DPP8: variants seen among roughly 807,000 people sequenced by gnomAD.
DPP8 encodes the protein DPP VIII.
DPP8 carries 31 observed loss-of-function variants against 107.5 expected under a neutral mutation model. That is an observed-to-expected ratio of 0.29 (90% CI 0.22 to 0.39). The LOEUF (loss-of-function observed/expected upper bound fraction) is 0.39, where lower values mean the gene tolerates loss of function less well. DPP8 is among the 10% of genes least tolerant of loss of function. DPP8 has a pLI of 1.00. For missense variants in DPP8, 842 were observed against 1,076.1 expected (o/e 0.78, Z 3.04); for synonymous variants, 381 against 356.6 (o/e 1.07, Z -0.77).
At chr15:65,466,182 AGGC>A (rs1271171401) in intron 14 of DPP8, among the ~76,000 whole-genome samples, 2 of 152,168 alleles carry the variant, frequency 1.3e-5, no homozygotes, top group African/African-American at 4.8e-5. Context: ...TTTGTCACCC[AGGC>A]TGCAGTTCAG....
intron 16 of DPP8, among the ~76,000 whole-genome samples, chr15:65,455,066 T>C (rs1452356963): frequency 1.3e-5 from 2 of 152,196 alleles, no homozygotes; most frequent in African/African-American, 2.4e-5. Context: ...AGCATCTTCC[T>C]TGTAACAAGC....
chr15:65,475,253 T>C, intron 11 of DPP8: 2 of 547,230 alleles, frequency 3.7e-6, no homozygotes, highest in Middle Eastern at 3.0e-4. Context: ...AGTATGACAT[T>C]TACAGAGAGA....
At chr15:65,515,090 T>C (rs1477819991) in intron 1 of DPP8, among the ~76,000 whole-genome samples, 1 of 152,180 alleles carries the variant, frequency 6.6e-6, no homozygotes, top group African/African-American at 2.4e-5. Context: ...AGGATCCTTA[T>C]GCCTCAGCCT....
At chr15:65,494,928 T>C (rs2068431231) in intron 5 of DPP8, among the ~76,000 whole-genome samples, 1 of 152,186 alleles carries the variant, frequency 6.6e-6, no homozygotes, top group Non-Finnish European at 1.5e-5. Context: ...GCTTCTCAAA[T>C]TTAACCTCCA....
chr15:65,512,511 A>AT lies in DPP8; in HGVS notation c.42dup (p.Phe15IlefsTer2). On this transcript the variant is annotated frameshift_variant, in exon 2 of 20. Transcript: ENST00000300141. LOFTEE classifies it high-confidence loss of function. Reference sequence around the variant, plus strand: ...TTCTCCTCACAGTCCGCAGTTTCAAATATCTCAACACCCAGCTGTTCTGTT... The same window carrying AT: ...TTCTCCTCACAGTCCGCAGTTTCAAATTATCTCAACACCCAGCTGTTCTGTT... The AT allele has an allele frequency of 1.2e-6, 2 of 1,614,146 alleles. No homozygotes were observed. The highest frequency in any genetic ancestry group is 1.7e-6 in the Non-Finnish European group (2 of 1,180,018).
chr15:65,515,390 T>C (rs1440622516), intron 1 of DPP8, among the ~76,000 whole-genome samples: 2 of 152,210 alleles, frequency 1.3e-5, no homozygotes, highest in Non-Finnish European at 2.9e-5. Flanking sequence ...ACAGTCCAAA[T>C]GATGGTCTCC....
intron 1 of DPP8, chr15:65,515,531 A>G: frequency 1.3e-6 from 1 of 743,810 alleles, no homozygotes; most frequent in Non-Finnish European, 2.3e-6. Flanking sequence ...ACATTCTCAA[A>G]ATAGGTGACC....
Position 65,456,311 on chromosome 15 carries a change from A to C in DPP8, c.2032T>G (p.Ser678Ala). 1 of 1,613,982 alleles carries C rather than the reference A, an allele frequency of 6.2e-7. No homozygotes were observed. Among genetic ancestry groups the C allele is most frequent in the South Asian group, 1.1e-5 (1 of 91,072 alleles). ...VKYFRLNTLA[S>A]LGYVVVVIDN... ...ATCACTACAACCACATAACCTAGAG[A>C]GGCTAGGGTATTCAAGCGGAAATAC... The change falls in exon 16 of 20, where the codon TCT (serine) becomes GCT (alanine). Residue 678 changes from serine to alanine, a missense_variant. Transcript: ENST00000300141.
intron 16 of DPP8, among the ~76,000 whole-genome samples, chr15:65,455,211 T>C (rs1433872217): frequency 6.6e-6 from 1 of 152,252 alleles, no homozygotes; most frequent in South Asian, 2.1e-4. Context: ...GGGATCACTG[T>C]AGCTCAACCT....
chr15:65,492,749 T>C (rs999372943), intron 5 of DPP8, among the ~76,000 whole-genome samples: 5 of 151,876 alleles, frequency 3.3e-5, no homozygotes, highest in Admixed American at 3.3e-4. Context: ...CATATGTCAC[T>C]AAGCCCAGCT....
At chr15:65,472,563 G>C (rs1420296476) in intron 12 of DPP8, among the ~76,000 whole-genome samples, 1 of 152,082 alleles carries the variant, frequency 6.6e-6, no homozygotes, top group African/African-American at 2.4e-5. Context: ...ATCTCCCAAA[G>C]GGCTGGATTA....
At chr15:65,480,462 T>TATCA in intron 9 of DPP8, 63 bp from the exon 10 acceptor site, 1 of 1,264,184 alleles carries the variant, frequency 7.9e-7, no homozygotes. Flanking sequence ...AAGATTTCCC[T>TATCA]ATTATCTCCT....
intron 14 of DPP8, among the ~76,000 whole-genome samples, chr15:65,465,112 C>T (rs997393974): frequency 5.9e-5 from 9 of 151,508 alleles, no homozygotes; most frequent in Admixed American, 1.3e-4. Flanking sequence ...TCTGATTCTG[C>T]TTGTGGACAT....
chr15:65,493,080 CTT>C (rs774662114), intron 5 of DPP8, among the ~76,000 whole-genome samples: 4 of 151,666 alleles, frequency 2.6e-5, no homozygotes, highest in African/African-American at 4.8e-5. Context: ...TTTCTGTTTT[CTT>C]TCTTTCTCTC....
At chr15:65,457,342 T>C (rs581694) in intron 15 of DPP8, among the ~76,000 whole-genome samples, 54,411 of 151,876 alleles carry the variant, frequency 0.36, 11,570 homozygotes, top group East Asian at 0.77. Context: ...GGCAACACAG[T>C]GAGACTCTGT....
chr15:65,511,492 C>A (rs973139152), intron 2 of DPP8, among the ~76,000 whole-genome samples: 37 of 149,870 alleles, frequency 2.5e-4, no homozygotes, highest in South Asian at 6.4e-4. Context: ...AAAAAAAAAA[C>A]AAAACAACAA....
intron 12 of DPP8, 111 bp downstream of exon 12, chr15:65,474,098 C>CT (rs1185111817): frequency 2.5e-6 from 2 of 806,612 alleles, no homozygotes; most frequent in Non-Finnish European, 4.2e-6. Flanking sequence ...GAGCAAGACT[C>CT]TGTCTCGGAA....
chr15:65,461,206 A>G (rs1373455643), intron 15 of DPP8, among the ~76,000 whole-genome samples: 1 of 152,114 alleles, frequency 6.6e-6, no homozygotes, highest in African/African-American at 2.4e-5. Flanking sequence ...GTATAGCGGC[A>G]TGATTATGAC....
At chr15:65,479,713 G>A (rs566405395) in intron 10 of DPP8, among the ~76,000 whole-genome samples, 3 of 151,576 alleles carry the variant, frequency 2.0e-5, no homozygotes, top group South Asian at 2.1e-4. Context: ...GCGCGGTGGC[G>A]GGCGCCTGTA....
Sources: allele counts gnomAD v4.1 joint callset (sites outside exome capture counted in the v4.1 genomes callset), GRCh38; gene constraint gnomAD v4.1.1; transcripts MANE v1.5; gene names NCBI Gene and HGNC (gene_info 2026-07-23, HGNC 2026-07-21).